The following MMS22L variants were observed in gnomAD, a reference collection of about 807,000 sequenced individuals.
MMS22L encodes the protein protein MMS22-like.
In MMS22L, 74 loss-of-function variants were observed where a neutral mutation model predicts 159.1. The ratio of observed to expected loss-of-function variants is 0.47; its 90% CI spans 0.39 to 0.56. MMS22L has a LOEUF of 0.56. Ranked by LOEUF, MMS22L falls within the 20% of genes least tolerant of loss-of-function variation. The probability of loss-of-function intolerance (pLI) is 0.00; values close to 1 mark genes in which losing one functional copy is unlikely to be tolerated. For synonymous variants in MMS22L, 517 were observed against 506.9 expected (o/e 1.02, Z -0.27); for missense variants, 1,351 against 1,422.1 (o/e 0.95, Z 0.80).
chr6:97,247,175 C>A (rs950499456), intron 10 of MMS22L, among the ~76,000 whole-genome samples: 1 of 151,914 alleles, frequency 6.6e-6, no homozygotes, highest in South Asian at 2.1e-4. Flanking sequence ...AAATTGACAA[C>A]CTCGACTATC....
intron 11 of MMS22L, among the ~76,000 whole-genome samples, chr6:97,244,515 G>A (rs551880285): frequency 6.6e-6 from 1 of 152,246 alleles, no homozygotes; most frequent in Admixed American, 6.5e-5. Context: ...TAATCTAAGT[G>A]GGCACAATCT....
chr6:97,149,179 G>C (rs556845769), intron 24 of MMS22L, among the ~76,000 whole-genome samples: 2 of 151,968 alleles, frequency 1.3e-5, no homozygotes, highest in African/African-American at 2.4e-5. Flanking sequence ...ACATTTCTTA[G>C]AACTTATCCC....
At chr6:97,178,349 A>G (rs1383073577) in intron 18 of MMS22L, 94 bp downstream of exon 18, 2 of 963,382 alleles carry the variant, frequency 2.1e-6, no homozygotes, top group African/African-American at 3.4e-5. Flanking sequence ...ATTTATAAGA[A>G]TTCATTTTAT....
At chr6:97,161,264 T>C (rs894001476) in intron 22 of MMS22L, among the ~76,000 whole-genome samples, 2 of 152,036 alleles carry the variant, frequency 1.3e-5, no homozygotes, top group East Asian at 1.9e-4. Flanking sequence ...GTGAAGACAA[T>C]GGTTTTGGCA....
chr6:97,233,373 C>A (rs538592052), intron 12 of MMS22L, among the ~76,000 whole-genome samples: 1 of 152,080 alleles, frequency 6.6e-6, no homozygotes, highest in Admixed American at 6.6e-5. Context: ...AAGCCAAGTT[C>A]AAAAATTATG....
At chr6:97,197,093 A>C (rs1001554890) in intron 14 of MMS22L, among the ~76,000 whole-genome samples, 2 of 152,198 alleles carry the variant, frequency 1.3e-5, no homozygotes, top group Non-Finnish European at 2.9e-5. Flanking sequence ...TGGATGTTAA[A>C]ATTTAAGTTT....
chr6:97,236,389 A>C (rs1174556348), intron 11 of MMS22L, among the ~76,000 whole-genome samples: 1 of 152,004 alleles, frequency 6.6e-6, no homozygotes, highest in Non-Finnish European at 1.5e-5. Context: ...AGAGCAGAAA[A>C]GCAAACATTC....
chr6:97,204,687 C>T (rs999941739), intron 14 of MMS22L, among the ~76,000 whole-genome samples: 1 of 148,008 alleles, frequency 6.8e-6, no homozygotes, highest in Non-Finnish European at 1.5e-5. Context: ...CCCAGCTACT[C>T]GGGAGCCTGA....
intron 9 of MMS22L, among the ~76,000 whole-genome samples, chr6:97,257,405 A>G (rs910941112): frequency 2.6e-5 from 4 of 152,128 alleles, no homozygotes; most frequent in Non-Finnish European, 4.4e-5. Context: ...CATAACCTTG[A>G]TATTTTTAGA....
chr6:97,282,871 C>T (rs903086462), intron 1 of MMS22L: 1 of 159,488 alleles, frequency 6.3e-6, no homozygotes, highest in Non-Finnish European at 1.4e-5. Context: ...CTAAACCACT[C>T]TCCGCCCGTT....
chr6:97,234,018 C>A, intron 11 of MMS22L, 38 bp from the exon 12 acceptor site: 1 of 1,584,568 alleles, frequency 6.3e-7, no homozygotes, highest in South Asian at 1.2e-5. Flanking sequence ...GGTAAATGGG[C>A]TCTGGCAATA....
In MMS22L at chr6:97,143,281, T is replaced by C. The variant is rs1800723656; in HGVS notation, c.*3525A>G. ...CTATAGGAAAGAGGTCCTATACAGT[T>C]TCCATGCTGTAAACTGAATGAGGCT... is the stretch of plus-strand genomic sequence containing the variant. On this transcript the variant is annotated 3_prime_UTR_variant, in exon 25 of 25. Transcript: ENST00000683635. The C allele has an allele frequency of 6.6e-6, 1 of 152,152 alleles. No individual in the cohort carries two copies. The highest frequency in any genetic ancestry group is 1.5e-5 in the Non-Finnish European group (1 of 68,020). The allele number at this position is 152,152 out of a possible 1,614,324, so 9.4% of individuals were successfully genotyped here. A position where few individuals can be genotyped will look rare whatever the true frequency, so the allele number is the denominator to read the frequency against.
intron 18 of MMS22L, among the ~76,000 whole-genome samples, chr6:97,174,193 C>T (rs986883665): frequency 6.7e-6 from 1 of 149,216 alleles, no homozygotes; most frequent in Non-Finnish European, 1.5e-5. Flanking sequence ...GTGGAGGTTG[C>T]AGTGAGCCAA....
At chr6:97,196,894 ATATC>A (rs750413657) in intron 14 of MMS22L, among the ~76,000 whole-genome samples, 1 of 152,102 alleles carries the variant, frequency 6.6e-6, no homozygotes, top group Non-Finnish European at 1.5e-5. Flanking sequence ...TTGTATATCT[ATATC>A]TATACATTTT....
chr6:97,194,268 C>T (rs923830587), intron 14 of MMS22L, among the ~76,000 whole-genome samples: 4 of 148,158 alleles, frequency 2.7e-5, no homozygotes, highest in African/African-American at 7.5e-5. Context: ...ATGTTGGCCA[C>T]GATGGTCTTG....
At chr6:97,197,214 G>T (rs1179427410) in intron 14 of MMS22L, among the ~76,000 whole-genome samples, 2 of 152,154 alleles carry the variant, frequency 1.3e-5, no homozygotes, top group Non-Finnish European at 2.9e-5. Context: ...CGTCATCGTA[G>T]GTTAGTAATT....
rs772178780 is a variant in MMS22L at position 97,233,885 on chromosome 6, T to C, written c.1278A>G (p.Leu426=). Residue 426 remains leucine (L), a synonymous_variant, in exon 12 of 25, where the codon TTA becomes TTG. Coordinates refer to ENST00000683635, the MANE Select transcript of MMS22L (RefSeq NM_001350599.2). ...WEPNIAIVTI[L]WEYYSKNLNS... is the part of the protein sequence containing the mutation. ...CCAGGTTCTTACTATAATATTCCCA[T>C]AAAATGGTAACAATTGCAATGTTTG... is the stretch of plus-strand genomic sequence containing the variant. 21 of 1,608,836 alleles carry C rather than the reference T, an allele frequency of 1.3e-5. No homozygotes were observed. Among genetic ancestry groups the C allele is most frequent in the Non-Finnish European group, 1.7e-5 (20 of 1,177,904 alleles).
intron 8 of MMS22L, chr6:97,263,851 G>A (rs1814771389): frequency 1.3e-5 from 2 of 153,990 alleles, no homozygotes; most frequent in South Asian, 4.0e-4. Flanking sequence ...TGGGACTACA[G>A]GCGCCCACCA....
At chr6:97,239,651 A>T (rs1357340884) in intron 11 of MMS22L, among the ~76,000 whole-genome samples, 1 of 152,184 alleles carries the variant, frequency 6.6e-6, no homozygotes, top group Non-Finnish European at 1.5e-5. Flanking sequence ...GGTGGCTCCC[A>T]TCTGTAATCC....
Sources: allele counts gnomAD v4.1 joint callset (sites outside exome capture counted in the v4.1 genomes callset), GRCh38; gene constraint gnomAD v4.1.1; transcripts MANE v1.5; gene names NCBI Gene and HGNC (gene_info 2026-07-23, HGNC 2026-07-21).